RBFOX3: variants seen among roughly 807,000 people sequenced by gnomAD.
RBFOX3 encodes RNA binding protein fox-1 homolog 3.
Under a neutral mutation model 48.7 loss-of-function variants are expected in RBFOX3, and 17 were observed. The ratio of observed to expected loss-of-function variants is 0.35; its 90% CI spans 0.24 to 0.52. RBFOX3 has a LOEUF of 0.52. RBFOX3 is among the 20% of genes least tolerant of loss of function. The pLI is 0.94. For missense variants in RBFOX3, 382 were observed against 497.5 expected (o/e 0.77, Z 2.21); for synonymous variants, 212 against 209.5 (o/e 1.01, Z -0.10).
intron 4 of RBFOX3, among the ~76,000 whole-genome samples, chr17:79,166,138 C>T (rs1213033457): frequency 1.1e-5 from 1 of 91,760 alleles, no homozygotes; most frequent in Non-Finnish European, 2.2e-5. Flanking sequence ...TTGGCCCACG[C>T]CCACCCCTCC....
chr17:79,105,934 G>A (rs1432050067), intron 6 of RBFOX3, among the ~76,000 whole-genome samples: 1 of 152,202 alleles, frequency 6.6e-6, no homozygotes, highest in Non-Finnish European at 1.5e-5. Flanking sequence ...CCCCCTGCAG[G>A]CATCAACACC....
intron 2 of RBFOX3, among the ~76,000 whole-genome samples, chr17:79,402,522 C>T (rs1794206853): frequency 6.6e-6 from 1 of 152,194 alleles, no homozygotes; most frequent in Non-Finnish European, 1.5e-5. Flanking sequence ...GTAGGGCTCC[C>T]GCTGGAGTGA....
chr17:79,628,788 AT>A, the RBFOX3 span, among the ~76,000 whole-genome samples: 1 of 152,020 alleles, frequency 6.6e-6, no homozygotes, highest in African/African-American at 2.4e-5. Context: ...CAGATTGTCT[AT>A]TTGATGATAA....
At chr17:79,652,841 A>T in the RBFOX3 span, among the ~76,000 whole-genome samples, 842 of 152,238 alleles carry the variant, frequency 5.5e-3, 16 homozygotes, top group Admixed American at 0.018. Context: ...ACTGAAAGGC[A>T]TTAAGTCTTC....
intron 2 of RBFOX3, among the ~76,000 whole-genome samples, chr17:79,354,854 C>T (rs1160392345): frequency 6.6e-6 from 1 of 152,246 alleles, no homozygotes; most frequent in Non-Finnish European, 1.5e-5. Context: ...GTTTAACACG[C>T]TGTGCATTTT....
In RBFOX3 at chr17:79,110,051, G is replaced by A. The variant is rs1410731328; in HGVS notation, c.223-3263C>T. 3.3e-5 allele frequency among the ~76,000 whole-genome samples: 5 copies of A among 152,000 alleles called. No individual in the cohort carries two copies. The East Asian group carries it at 7.7e-4, about 24-fold the overall frequency. ...GGACTGCCCCAGGCCGGGGGATGGGGGCCTTCCCACACTGACTGTAGCGGT... is the reference window on the plus strand; with the variant it reads ...GGACTGCCCCAGGCCGGGGGATGGGAGCCTTCCCACACTGACTGTAGCGGT... On this transcript the variant is annotated intron_variant, in intron 5 of 14. Coordinates refer to ENST00000693108, the MANE Select transcript of RBFOX3 (RefSeq NM_001350451.2).
intron 4 of RBFOX3, among the ~76,000 whole-genome samples, chr17:79,181,103 A>C (rs1373916237): frequency 6.6e-6 from 1 of 152,194 alleles, no homozygotes; most frequent in Non-Finnish European, 1.5e-5. Context: ...GCTTGCCTCT[A>C]CTTCATCTTA....
intron 2 of RBFOX3, among the ~76,000 whole-genome samples, chr17:79,460,037 A>G (rs1333371242): frequency 1.3e-5 from 2 of 152,292 alleles, no homozygotes; most frequent in Non-Finnish European, 2.9e-5. Context: ...CCATTTCTAC[A>G]AAACACTCAG....
intron 1 of RBFOX3, among the ~76,000 whole-genome samples, chr17:79,549,008 T>C (rs1453373660): frequency 1.3e-5 from 2 of 152,214 alleles, no homozygotes; most frequent in African/African-American, 4.8e-5. Context: ...TGTGAGGTGG[T>C]GGAATTGTGG....
At chr17:79,276,783 C>G (rs1255497741) in intron 3 of RBFOX3, among the ~76,000 whole-genome samples, 1 of 152,230 alleles carries the variant, frequency 6.6e-6, no homozygotes, top group East Asian at 1.9e-4. Flanking sequence ...CAGGCATGTT[C>G]TCAGCAGTCC....
chr17:79,541,998 C>T (rs2089773041), intron 1 of RBFOX3, among the ~76,000 whole-genome samples: 2 of 151,922 alleles, frequency 1.3e-5, no homozygotes. Flanking sequence ...CAGAACAAAA[C>T]CATGTTCTCT....
intron 4 of RBFOX3, among the ~76,000 whole-genome samples, chr17:79,128,327 G>A (rs2037869383): frequency 6.6e-6 from 1 of 152,000 alleles, no homozygotes; most frequent in Admixed American, 6.6e-5. Context: ...CTTCCCAGAA[G>A]CACAAATAAA....
the RBFOX3 span, among the ~76,000 whole-genome samples, chr17:79,619,301 A>C: frequency 6.6e-6 from 1 of 152,176 alleles, no homozygotes. Context: ...GAAAACACAG[A>C]AACTTATTCT....
chr17:79,595,688 A>AGCC (rs1253719217), intron 1 of RBFOX3, among the ~76,000 whole-genome samples: 4 of 152,206 alleles, frequency 2.6e-5, no homozygotes, highest in Non-Finnish European at 4.4e-5. Flanking sequence ...CCTCTAAGCC[A>AGCC]GCCGCCAAGT....
intron 2 of RBFOX3, among the ~76,000 whole-genome samples, chr17:79,428,379 C>T (rs1166515807): frequency 6.6e-6 from 1 of 152,234 alleles, no homozygotes; most frequent in African/African-American, 2.4e-5. Flanking sequence ...CGTCTGCCCC[C>T]GCCCAGCCTT....
chr17:79,663,201 CT>C, the RBFOX3 span, among the ~76,000 whole-genome samples: 1 of 152,106 alleles, frequency 6.6e-6, no homozygotes, highest in Non-Finnish European at 1.5e-5. Context: ...GGTAGAAATG[CT>C]ATTTCTACCT....
At chr17:79,454,315 C>T (rs797026957) in intron 2 of RBFOX3, among the ~76,000 whole-genome samples, 30 of 152,260 alleles carry the variant, frequency 2.0e-4, no homozygotes, top group African/African-American at 7.0e-4. Context: ...CCAGGGAGTC[C>T]GAGGCTGCCT....
At chr17:79,264,961 GA>G (rs2066435616) in intron 3 of RBFOX3, among the ~76,000 whole-genome samples, 1 of 139,298 alleles carries the variant, frequency 7.2e-6, no homozygotes, top group African/African-American at 2.8e-5. Context: ...CTCAGTGCGA[GA>G]GGAGGGGGGG....
rs146091341 is a variant in RBFOX3 at position 79,452,304 on chromosome 17, C to G, written c.-175+30150G>C. Among the ~76,000 whole-genome samples the G allele has an allele frequency of 3.7e-3, 569 of 152,262 alleles. 4 individuals are homozygous for G. Among genetic ancestry groups the G allele is most frequent in the African/African-American group, 0.013 (538 of 41,552 alleles). ...CGGCAGTGCAGGATGGAGGCCCACC[C>G]TGTCACCACCTCCGCTGCGGAGGAA... is the stretch of plus-strand genomic sequence containing the variant. On this transcript the variant is annotated intron_variant, in intron 2 of 14. Transcript: ENST00000693108.
Sources: allele counts gnomAD v4.1 joint callset (sites outside exome capture counted in the v4.1 genomes callset), GRCh38; gene constraint gnomAD v4.1.1; transcripts MANE v1.5; gene names NCBI Gene and HGNC (gene_info 2026-07-23, HGNC 2026-07-21).